The following PPP2R1B variants were observed in gnomAD, a reference collection of about 807,000 sequenced individuals.
The protein encoded by PPP2R1B is serine/threonine-protein phosphatase 2A 65 kDa regulatory subunit A beta isoform.
PPP2R1B carries 58 observed loss-of-function variants against 72.7 expected under a neutral mutation model. The ratio of observed to expected loss-of-function variants is 0.80; its 90% CI spans 0.65 to 0.99. The LOEUF (loss-of-function observed/expected upper bound fraction) is 0.99. Ranked by LOEUF, PPP2R1B falls within the 50% of genes least tolerant of loss-of-function variation. The probability of loss-of-function intolerance (pLI) is 0.00; values close to 1 mark genes in which losing one functional copy is unlikely to be tolerated. For missense variants in PPP2R1B, 695 were observed against 733.6 expected, an observed-to-expected ratio of 0.95 and a Z score of 0.61; for synonymous variants, 256 against 264.6, an observed-to-expected ratio of 0.97 and a Z score of 0.32.
downstream of PPP2R1B, among the ~76,000 whole-genome samples, chr11:111,733,917 C>A (rs1210046377): frequency 6.6e-6 from 1 of 152,188 alleles, no homozygotes; most frequent in South Asian, 2.1e-4. Flanking sequence ...AGCCCGGGAG[C>A]CACCACCTGG....
the PPP2R1B span, among the ~76,000 whole-genome samples, chr11:111,692,822 T>C: frequency 6.6e-6 from 1 of 152,086 alleles, no homozygotes. Flanking sequence ...CTGGGTTTTT[T>C]TTTTGGCTTA....
At chr11:111,750,250 A>T (rs769210632) in intron 10 of PPP2R1B, among the ~76,000 whole-genome samples, 2 of 152,224 alleles carry the variant, frequency 1.3e-5, no homozygotes, top group Non-Finnish European at 2.9e-5. Flanking sequence ...AATAAATTCC[A>T]TATGTTGTGA....
intron 15 of PPP2R1B, chr11:111,729,698 G>C (rs1422423281): frequency 6.6e-6 from 1 of 152,280 alleles, no homozygotes; most frequent in Non-Finnish European, 1.5e-5. Context: ...GTCAAGCACA[G>C]GGTGAATGTG....
At chr11:111,707,135 T>C in the PPP2R1B span, among the ~76,000 whole-genome samples, 4 of 152,218 alleles carry the variant, frequency 2.6e-5, no homozygotes, top group Admixed American at 6.5e-5. Flanking sequence ...TAAGACGTAG[T>C]GGAACTCTTT....
chr11:111,699,666 T>C, the PPP2R1B span, among the ~76,000 whole-genome samples: 1 of 152,330 alleles, frequency 6.6e-6, no homozygotes, highest in Admixed American at 6.5e-5. Context: ...CTCTAGTTTT[T>C]ATGTTAGCAA....
rs190431431 is a variant in PPP2R1B at position 111,765,048 on chromosome 11, G to A, written c.206-143C>T. On this transcript the variant is annotated intron_variant, in intron 2 of 14. Coordinates refer to ENST00000527614, the MANE Select transcript of PPP2R1B (RefSeq NM_002716.5). ...AACAGCATTTTCTTTCTTCTCAACCGTCTTCCTGTATCTGCTTTGCACAAC... is the reference window on the plus strand; with the variant it reads ...AACAGCATTTTCTTTCTTCTCAACCATCTTCCTGTATCTGCTTTGCACAAC... The A allele has an allele frequency of 1.9e-5, 26 of 1,380,972 alleles. No homozygotes were observed. The African/African-American group carries it at 2.0e-4, about 11-fold the overall frequency. The allele number at this position is 1,380,972 out of a possible 1,614,324, so 85.5% of individuals were successfully genotyped here.
Position 111,742,599 on chromosome 11 carries a change from C to A in PPP2R1B, c.1621G>T (p.Ala541Ser), listed in dbSNP as rs1376892556. 1 of 1,613,844 alleles carries A rather than the reference C, an allele frequency of 6.2e-7. No individual in the cohort carries two copies. Among genetic ancestry groups the A allele is most frequent in the East Asian group, 2.2e-5 (1 of 44,862 alleles). The change falls in exon 13 of 15, where the codon GCA becomes TCA. Residue 541 changes from alanine to serine, a missense_variant. Ala to Ser is a moderately conservative substitution (Grantham distance 99). Transcript: ENST00000527614. ...CGAACATTTGCTACTTGGTCTCCTG[C>A]CATTTTTAATACGATGGGCAGCATT... ...KQMLPIVLKM[A>S]GDQVANVRFN...
Position 111,740,305 on chromosome 11 carries a change from C to T in PPP2R1B, c.*1291G>A, listed in dbSNP as rs145029317. 1.5e-3 allele frequency: 1,374 copies of T among 900,000 alleles called. 12 individuals carry two copies. The African/African-American group carries it at 0.023, about 15-fold the overall frequency. The allele number at this position is 900,000 out of a possible 1,614,324, so 55.8% of individuals were successfully genotyped here. A position where few individuals can be genotyped will look rare whatever the true frequency, so the allele number is the denominator to read the frequency against. ...CGATCTCGGCTCAGTGCAACCTCTACCTCCCAGGTTCAAGCAATTCTCCTG... is the reference window on the plus strand; with the variant it reads ...CGATCTCGGCTCAGTGCAACCTCTATCTCCCAGGTTCAAGCAATTCTCCTG... On this transcript the variant is annotated 3_prime_UTR_variant, in exon 15 of 15. Transcript: ENST00000527614.
chr11:111,764,706 A>G, intron 3 of PPP2R1B, 99 bp downstream of exon 3: 1 of 1,181,740 alleles, frequency 8.5e-7, no homozygotes, highest in Non-Finnish European at 1.2e-6. Context: ...CCATAAAAAG[A>G]TCTGCATAAA....
the PPP2R1B span, chr11:111,700,811 A>G: frequency 1.3e-6 from 2 of 1,559,022 alleles, no homozygotes; most frequent in East Asian, 2.3e-5. Flanking sequence ...ATAGCATATT[A>G]GAAAATTTAT....
intron 4 of PPP2R1B, among the ~76,000 whole-genome samples, chr11:111,760,332 C>G (rs1945278804): frequency 6.6e-6 from 1 of 151,890 alleles, no homozygotes. Context: ...ACAGGCGGGT[C>G]CCACCATGCC....
intron 12 of PPP2R1B, 120 bp from the exon 13 acceptor site, chr11:111,742,785 C>T: frequency 1.1e-6 from 1 of 897,012 alleles, no homozygotes; most frequent in Non-Finnish European, 1.6e-6. Context: ...CTAGTTTGAG[C>T]AGCTGAGTGG....
At chr11:111,712,093 A>G in the PPP2R1B span, 72 of 1,100,790 alleles carry the variant, frequency 6.5e-5, no homozygotes, top group African/African-American at 6.9e-4. Context: ...GGAGTTTCCA[A>G]TAAATAAATA....
chr11:111,733,178 A>G (rs1003924000), downstream of PPP2R1B, among the ~76,000 whole-genome samples: 3 of 152,154 alleles, frequency 2.0e-5, no homozygotes, highest in African/African-American at 7.2e-5. Flanking sequence ...CTTTCCAGCA[A>G]GCCTTCCTGC....
At chr11:111,714,855 G>A in the PPP2R1B span, among the ~76,000 whole-genome samples, 1 of 152,180 alleles carries the variant, frequency 6.6e-6, no homozygotes, top group African/African-American at 2.4e-5. Flanking sequence ...GTCTGTGGTT[G>A]CTACTACAGT....
intron 3 of PPP2R1B, among the ~76,000 whole-genome samples, chr11:111,762,652 C>T (rs1161237024): frequency 6.6e-6 from 1 of 151,476 alleles, no homozygotes; most frequent in Non-Finnish European, 1.5e-5. Flanking sequence ...GACTCCTCGT[C>T]CTTCTGCCTC....
chr11:111,726,899 C>T (rs949890656), downstream of PPP2R1B: 15 of 1,496,308 alleles, frequency 1.0e-5, no homozygotes, highest in African/African-American at 5.5e-5. Flanking sequence ...GTAAAAATTT[C>T]GTTCGGCAAA....
intron 15 of PPP2R1B, chr11:111,727,265 G>A (rs1944003568): frequency 6.7e-6 from 4 of 594,198 alleles, no homozygotes; most frequent in Non-Finnish European, 9.0e-6. Flanking sequence ...GGGGAGTGGG[G>A]ATGGGGCTCA....
the PPP2R1B span, among the ~76,000 whole-genome samples, chr11:111,710,913 C>T: frequency 2.6e-5 from 4 of 152,204 alleles, no homozygotes; most frequent in South Asian, 2.1e-4. Context: ...TAACTATAGC[C>T]GGAAAAATAC....
Sources: allele counts gnomAD v4.1 joint callset (sites outside exome capture counted in the v4.1 genomes callset), GRCh38; gene constraint gnomAD v4.1.1; transcripts MANE v1.5; gene names NCBI Gene and HGNC (gene_info 2026-07-23, HGNC 2026-07-21).